Variants in MRPS28 observed in about 807,000 individuals in gnomAD.
MRPS28 encodes mitochondrial ribosomal protein S28.
A neutral mutation model predicts 10.8 loss-of-function variants in MRPS28; 7 were observed. The observed-to-expected ratio is 0.65, with a 90% CI of 0.37 to 1.22. The LOEUF is 1.22. MRPS28 is among the 50% of genes most tolerant of loss of function. The probability of loss-of-function intolerance (pLI) is 0.02; values close to 1 mark genes in which losing one functional copy is unlikely to be tolerated. For synonymous variants in MRPS28, 121 were observed against 93.3 expected, an observed-to-expected ratio of 1.30 and a Z score of -1.71; for missense variants, 265 against 232.9, an observed-to-expected ratio of 1.14 and a Z score of -0.90.
chr8:79,921,203 C>T lies in MRPS28; in HGVS notation c.396-2055G>A, dbSNP rs1020087314. 8.6e-4 allele frequency among the ~76,000 whole-genome samples: 131 copies of T among 152,006 alleles called. 3 individuals are homozygous for T. The East Asian group carries it at 0.021, about 24-fold the overall frequency. On this transcript the variant is annotated intron_variant, in intron 2 of 2. Coordinates refer to ENST00000276585, the MANE Select transcript of MRPS28 (RefSeq NM_014018.3). ...TTTTGGTTACTGTAGCCTTGTAGTA[C>T]AGTTTGAAGTCAGGTAGTGTGATGC...
intron 1 of MRPS28, among the ~76,000 whole-genome samples, chr8:80,020,981 G>A (rs183223369): frequency 1.1e-4 from 17 of 150,908 alleles, no homozygotes; most frequent in South Asian, 6.3e-4. Context: ...ACTACAGTAC[G>A]AATATATATA....
intron 2 of MRPS28, among the ~76,000 whole-genome samples, chr8:79,959,469 T>A (rs1336768869): frequency 6.6e-6 from 1 of 152,132 alleles, no homozygotes; most frequent in Admixed American, 6.6e-5. Context: ...ATCTGTTGTA[T>A]ACACATAGTT....
intron 1 of MRPS28, among the ~76,000 whole-genome samples, chr8:80,015,843 AAAT>A (rs965814080): frequency 6.6e-6 from 1 of 152,176 alleles, no homozygotes; most frequent in African/African-American, 2.4e-5. Context: ...TGGAAATTTT[AAAT>A]AAGAATCAAA....
intron 2 of MRPS28, among the ~76,000 whole-genome samples, chr8:79,948,467 T>A (rs1310956974): frequency 6.6e-6 from 1 of 152,238 alleles, no homozygotes; most frequent in East Asian, 1.9e-4. Flanking sequence ...TTATTACTTT[T>A]TCTTGCCTTA....
At chr8:80,000,711 G>A (rs547844666) in intron 2 of MRPS28, among the ~76,000 whole-genome samples, 2 of 152,038 alleles carry the variant, frequency 1.3e-5, no homozygotes, top group East Asian at 1.9e-4. Flanking sequence ...AAAACTAATC[G>A]CAAATCTGAT....
intron 2 of MRPS28, among the ~76,000 whole-genome samples, chr8:79,997,614 GA>G (rs58403494): frequency 0.036 from 4,991 of 140,202 alleles, 71 homozygotes; most frequent in African/African-American, 0.044. Context: ...AGAGATGGGG[GA>G]AAAAAAAAAA....
At chr8:79,934,583 T>C (rs1457387605) in intron 2 of MRPS28, among the ~76,000 whole-genome samples, 1 of 152,210 alleles carries the variant, frequency 6.6e-6, no homozygotes, top group African/African-American at 2.4e-5. Context: ...TCAAGTAAAC[T>C]ATATGGAAGA....
chr8:80,026,711 T>C (rs994642174), intron 1 of MRPS28, among the ~76,000 whole-genome samples: 3 of 152,194 alleles, frequency 2.0e-5, no homozygotes, highest in Admixed American at 2.0e-4. Context: ...CAAGTTAACA[T>C]ATTAGTGATG....
chr8:80,005,748 T>C (rs1459882618), intron 1 of MRPS28, among the ~76,000 whole-genome samples: 1 of 152,166 alleles, frequency 6.6e-6, no homozygotes, highest in Non-Finnish European at 1.5e-5. Context: ...CCATCTCACG[T>C]GCAGAGACAC....
intron 1 of MRPS28, among the ~76,000 whole-genome samples, chr8:80,022,009 C>T (rs1427746276): frequency 2.0e-5 from 3 of 152,204 alleles, no homozygotes; most frequent in African/African-American, 7.2e-5. Context: ...AGGTTCTGTA[C>T]TGGCCATCAC....
intron 2 of MRPS28, among the ~76,000 whole-genome samples, chr8:79,999,196 G>C (rs984020085): frequency 6.6e-6 from 1 of 152,210 alleles, no homozygotes; most frequent in Non-Finnish European, 1.5e-5. Flanking sequence ...CTCAGTCAGA[G>C]GCCTGACAGT....
chr8:79,943,992 A>G (rs1403683333), intron 2 of MRPS28, among the ~76,000 whole-genome samples: 1 of 152,200 alleles, frequency 6.6e-6, no homozygotes, highest in East Asian at 1.9e-4. Context: ...TGGCCACCGT[A>G]AGTGCCACTA....
chr8:79,983,970 T>G (rs1442180345), intron 2 of MRPS28, among the ~76,000 whole-genome samples: 1 of 152,004 alleles, frequency 6.6e-6, no homozygotes, highest in Non-Finnish European at 1.5e-5. Context: ...GACACATAAT[T>G]GTCAGATTCA....
intron 2 of MRPS28, among the ~76,000 whole-genome samples, chr8:79,929,446 C>T (rs754847950): frequency 3.3e-5 from 5 of 151,812 alleles, no homozygotes; most frequent in Non-Finnish European, 5.9e-5. Context: ...AAGAAGAGGA[C>T]GCTGAAAGAA....
chr8:79,941,290 A>G (rs916341130), intron 2 of MRPS28, among the ~76,000 whole-genome samples: 4 of 152,154 alleles, frequency 2.6e-5, no homozygotes, highest in African/African-American at 9.7e-5. Flanking sequence ...CTTGATTCCA[A>G]ATGTGGTATT....
At position 79,960,734 on chromosome 8, in the gene MRPS28, G is replaced by T. The variant is rs536623803; in HGVS notation, c.396-41586C>A. Among the ~76,000 whole-genome samples, 3 of 152,126 alleles carry T rather than the reference G, an allele frequency of 2.0e-5. No individual in the cohort carries two copies. The South Asian group carries it at 6.2e-4, about 32-fold the overall frequency. ...AAATAATTTTCCATTAAAAGAAAAA[G>T]AAAACAAGTATTTAGATCACAATGT... On this transcript the variant is annotated intron_variant, in intron 2 of 2. Transcript: ENST00000276585.
intron 2 of MRPS28, among the ~76,000 whole-genome samples, chr8:79,972,855 G>A (rs1807673283): frequency 6.6e-6 from 1 of 151,914 alleles, no homozygotes; most frequent in African/African-American, 2.4e-5. Flanking sequence ...ATCACACAAG[G>A]GCTATAGATA....
At chr8:80,011,634 T>C (rs1809053354) in intron 1 of MRPS28, among the ~76,000 whole-genome samples, 2 of 151,994 alleles carry the variant, frequency 1.3e-5, no homozygotes, top group African/African-American at 2.4e-5. Context: ...GTGCCTGTAA[T>C]CCCAGCTACT....
At chr8:79,986,228 C>G (rs574632626) in intron 2 of MRPS28, among the ~76,000 whole-genome samples, 7 of 152,104 alleles carry the variant, frequency 4.6e-5, no homozygotes, top group Non-Finnish European at 7.4e-5. Flanking sequence ...AATCAACAAC[C>G]CTTCATGCTA....
Sources: gnomAD v4.1 joint callset for allele counts (sites outside exome capture counted in the v4.1 genomes callset) on GRCh38, gnomAD v4.1.1 for gene constraint, MANE v1.5 for transcripts, NCBI Gene and HGNC (gene_info 2026-07-23, HGNC 2026-07-21) for gene names.